Variants in CNTNAP2 observed in about 807,000 individuals in gnomAD.
CNTNAP2 encodes contactin-associated protein-like 2.
In CNTNAP2, 98 loss-of-function variants were observed where a neutral mutation model predicts 155.2. The ratio of observed to expected loss-of-function variants is 0.63; its 90% CI spans 0.54 to 0.75. The LOEUF (loss-of-function observed/expected upper bound fraction) is 0.75. Among genes scored for constraint, CNTNAP2 ranks in the 30% least tolerant of loss-of-function variants. The pLI is 0.00. For synonymous variants in CNTNAP2, 651 were observed against 631.2 expected (o/e 1.03, Z -0.47); for missense variants, 1,727 against 1,688.1 (o/e 1.02, Z -0.40).
rs141598736 is a variant in CNTNAP2, at chr7:147,985,002, C to A, written c.2383+7013C>A. Among the ~76,000 whole-genome samples the A allele has an allele frequency of 3.9e-3, 589 of 152,122 alleles. 8 individuals carry two copies. Among genetic ancestry groups the A allele is most frequent in the African/African-American group, 0.014 (573 of 41,488 alleles). ...TGTTGGTGCGCACCTGTAATCCCAG[C>A]TGCTCAGGAGACTGAGGCATGAGAA... On this transcript the variant is annotated intron_variant, in intron 15 of 23. Transcript: ENST00000361727.
chr7:148,063,989 C>A (rs1803207125), intron 15 of CNTNAP2, among the ~76,000 whole-genome samples: 1 of 152,086 alleles, frequency 6.6e-6, no homozygotes, highest in Non-Finnish European at 1.5e-5. Context: ...AAAAGGGTGT[C>A]CTTTTCCCAC....
chr7:148,239,708 G>A (rs189511752), intron 20 of CNTNAP2, among the ~76,000 whole-genome samples: 1 of 152,282 alleles, frequency 6.6e-6, no homozygotes, highest in Non-Finnish European at 1.5e-5. Context: ...AACTACCAGA[G>A]CCTCAGATTC....
intron 4 of CNTNAP2, among the ~76,000 whole-genome samples, chr7:147,054,324 A>G (rs1356505846): frequency 6.6e-6 from 1 of 152,208 alleles, no homozygotes; most frequent in African/African-American, 2.4e-5. Context: ...TACTCATTGG[A>G]GAACAGCTTG....
intron 1 of CNTNAP2, among the ~76,000 whole-genome samples, chr7:146,288,793 ATTTTTTTTTTTTT>A (rs757136036): frequency 1.0e-5 from 1 of 100,016 alleles, no homozygotes; most frequent in Non-Finnish European, 1.8e-5. Flanking sequence ...AAAATTAGTA[ATTTTTTTTTTTTT>A]TTTTTTTTTT....
chr7:147,038,575 T>A (rs1799201684), intron 3 of CNTNAP2, among the ~76,000 whole-genome samples: 1 of 152,214 alleles, frequency 6.6e-6, no homozygotes, highest in Admixed American at 6.5e-5. Context: ...AGAAGCTCAG[T>A]GGGAAGAGCA....
chr7:147,522,811 A>C (rs1328458612), intron 11 of CNTNAP2, among the ~76,000 whole-genome samples: 1 of 152,008 alleles, frequency 6.6e-6, no homozygotes, highest in Non-Finnish European at 1.5e-5. Flanking sequence ...CCTACTAAAA[A>C]ATAATAGTTT....
chr7:146,826,355 T>G (rs988321093), intron 2 of CNTNAP2, among the ~76,000 whole-genome samples: 6 of 152,148 alleles, frequency 3.9e-5, no homozygotes, highest in African/African-American at 1.4e-4. Context: ...AGCCACTATG[T>G]GAGTTAAAGG....
intron 15 of CNTNAP2, among the ~76,000 whole-genome samples, chr7:147,993,647 C>T (rs1459221327): frequency 6.6e-6 from 1 of 152,192 alleles, no homozygotes; most frequent in Non-Finnish European, 1.5e-5. Flanking sequence ...CTTTAGATGG[C>T]CATATCACAT....
At chr7:146,714,530 A>G (rs926606345) in intron 1 of CNTNAP2, among the ~76,000 whole-genome samples, 2 of 152,208 alleles carry the variant, frequency 1.3e-5, no homozygotes, top group African/African-American at 4.8e-5. Context: ...CTTAGGGTTA[A>G]CAAACCTATT....
At chr7:147,715,734 A>G (rs142328847) in intron 13 of CNTNAP2, among the ~76,000 whole-genome samples, 246 of 152,050 alleles carry the variant, frequency 1.6e-3, no homozygotes, top group African/African-American at 5.2e-3. Context: ...TTAATCATCT[A>G]TGATTTTTGG....
chr7:148,209,826 A>T (rs1010971620), intron 18 of CNTNAP2, among the ~76,000 whole-genome samples: 1 of 152,176 alleles, frequency 6.6e-6, no homozygotes, highest in African/African-American at 2.4e-5. Context: ...CGACCTTTCT[A>T]TCTAGCCTCA....
chr7:147,516,247 C>A (rs1263885849), intron 11 of CNTNAP2, among the ~76,000 whole-genome samples: 1 of 152,004 alleles, frequency 6.6e-6, no homozygotes, highest in Non-Finnish European at 1.5e-5. Context: ...TTTTTTACAG[C>A]TACTCATGTG....
intron 9 of CNTNAP2, among the ~76,000 whole-genome samples, chr7:147,317,885 C>G (rs1161588836): frequency 6.6e-6 from 1 of 151,282 alleles, no homozygotes; most frequent in Non-Finnish European, 1.5e-5. Context: ...GTTTTCCCTT[C>G]TCTTAACTTT....
intron 2 of CNTNAP2, among the ~76,000 whole-genome samples, chr7:146,822,403 A>G (rs569522622): frequency 6.6e-6 from 1 of 151,816 alleles, no homozygotes; most frequent in Non-Finnish European, 1.5e-5. Flanking sequence ...GCACACCAAC[A>G]TGGCACATGT....
chr7:147,759,040 T>G (rs1207761354), intron 13 of CNTNAP2, among the ~76,000 whole-genome samples: 1 of 152,136 alleles, frequency 6.6e-6, no homozygotes, highest in Admixed American at 6.5e-5. Flanking sequence ...TTGTTTTCTA[T>G]ATAATAAGCT....
intron 1 of CNTNAP2, among the ~76,000 whole-genome samples, chr7:146,585,269 A>G (rs1798671659): frequency 1.3e-5 from 2 of 151,934 alleles, no homozygotes; most frequent in South Asian, 4.1e-4. Flanking sequence ...TTACAGGCAC[A>G]TGCCACCACA....
At chr7:146,529,175 T>C (rs1797732724) in intron 1 of CNTNAP2, among the ~76,000 whole-genome samples, 1 of 152,222 alleles carries the variant, frequency 6.6e-6, no homozygotes, top group South Asian at 2.1e-4. Context: ...CAGCACAGTC[T>C]ATAGCATGTG....
intron 1 of CNTNAP2, among the ~76,000 whole-genome samples, chr7:146,622,239 G>C (rs376826271): frequency 8.0e-6 from 1 of 125,326 alleles, no homozygotes; most frequent in African/African-American, 2.8e-5. Flanking sequence ...ATATATGTGT[G>C]TGTATATCTA....
intron 3 of CNTNAP2, among the ~76,000 whole-genome samples, chr7:146,998,907 T>G (rs1338231007): frequency 6.6e-6 from 1 of 151,994 alleles, no homozygotes; most frequent in African/African-American, 2.4e-5. Flanking sequence ...AACTGTCTCT[T>G]GTAGTGCATT....
Sources: gnomAD v4.1 joint callset for allele counts (sites outside exome capture counted in the v4.1 genomes callset) on GRCh38, gnomAD v4.1.1 for gene constraint, MANE v1.5 for transcripts, NCBI Gene and HGNC (gene_info 2026-07-23, HGNC 2026-07-21) for gene names.